HCRTR2: variants seen among roughly 807,000 people sequenced by gnomAD.
HCRTR2 encodes hypocretin receptor 2.
HCRTR2 carries 22 observed loss-of-function variants against 49.0 expected under a neutral mutation model. The observed-to-expected ratio is 0.45, with a 90% CI of 0.32 to 0.64. The LOEUF is 0.64. HCRTR2 is among the 30% of genes least tolerant of loss of function. HCRTR2 has a pLI of 0.04. For synonymous variants in HCRTR2, 236 were observed against 205.3 expected, an observed-to-expected ratio of 1.15 and a Z score of -1.28; for missense variants, 491 against 559.4, an observed-to-expected ratio of 0.88 and a Z score of 1.23.
chr6:55,117,150 G>A (rs768814911), intron 1 of HCRTR2, among the ~76,000 whole-genome samples: 1 of 151,766 alleles, frequency 6.6e-6, no homozygotes, highest in Non-Finnish European at 1.5e-5. Flanking sequence ...GATCCATATT[G>A]TAAAAATGTC....
rs184660171 is a variant in HCRTR2 at position 55,223,022 on chromosome 6, A to G, written c.224-25617A>G. Among the ~76,000 whole-genome samples, 316 of 152,304 alleles carry G rather than the reference A, an allele frequency of 2.1e-3. 2 individuals carry two copies. Among genetic ancestry groups the G allele is most frequent in the African/African-American group, 7.4e-3 (306 of 41,556 alleles). On this transcript the variant is annotated intron_variant, in intron 1 of 6. Transcript: ENST00000370862. The stretch of plus-strand genomic sequence containing the variant: ...TTCAAATAAAATTAAAAAACGAGAA[A>G]CAGTAGAGTTTACTTAATTTGTTAA...
intron 1 of HCRTR2, among the ~76,000 whole-genome samples, chr6:55,245,654 C>A (rs1018921292): frequency 1.3e-5 from 2 of 151,114 alleles, no homozygotes; most frequent in Non-Finnish European, 3.0e-5. Flanking sequence ...ATGGATAGCT[C>A]ACTTAGAGCT....
At position 55,118,838 on chromosome 6, in the gene HCRTR2, G is replaced by A. The variant is rs567058814; in HGVS notation, c.-378+12293G>A. Among the ~76,000 whole-genome samples, 245 of 151,694 alleles carry A rather than the reference G, an allele frequency of 1.6e-3. 2 individuals are homozygous for A. The highest frequency in any genetic ancestry group is 5.6e-3 in the African/African-American group (230 of 41,372). The stretch of plus-strand genomic sequence containing the variant: ...GTTCTGGAGTACATGTGCAGAACCT[G>A]CAGTTTTCTTACATAGGTATGCACA... On this transcript the variant is annotated intron_variant, in intron 1 of 7. Transcript: ENST00000615358.
At chr6:55,165,224 A>G (rs781355401) in intron 1 of HCRTR2, among the ~76,000 whole-genome samples, 3 of 111,202 alleles carry the variant, frequency 2.7e-5, no homozygotes, top group Non-Finnish European at 7.2e-5. Flanking sequence ...AAAAGGAAGG[A>G]GAGAGAGAGA....
intron 4 of HCRTR2, among the ~76,000 whole-genome samples, chr6:55,274,239 G>GTATATATATATATATATA (rs61667408): frequency 1.4e-3 from 163 of 119,486 alleles, no homozygotes; most frequent in African/African-American, 4.7e-3. Flanking sequence ...ATCATTTTCA[G>GTATATATATATATATATA]TATATATATA....
chr6:55,144,501 T>TACCAAAAC (rs1764552778), intron 1 of HCRTR2, among the ~76,000 whole-genome samples: 2 of 152,162 alleles, frequency 1.3e-5, no homozygotes, highest in African/African-American at 4.8e-5. Context: ...CCCAAACTTC[T>TACCAAAAC]TGGTACCAGG....
chr6:55,138,356 T>C (rs1403897032), intron 1 of HCRTR2, among the ~76,000 whole-genome samples: 1 of 152,186 alleles, frequency 6.6e-6, no homozygotes, highest in Non-Finnish European at 1.5e-5. Context: ...ATTCTGTAAA[T>C]CTGAGATCCT....
At chr6:55,266,569 T>C (rs571436387) in intron 4 of HCRTR2, among the ~76,000 whole-genome samples, 1 of 152,288 alleles carries the variant, frequency 6.6e-6, no homozygotes, top group South Asian at 2.1e-4. Context: ...TGGGGAATGT[T>C]CAGTGTTAAG....
In HCRTR2 at chr6:55,282,438, C is replaced by A; in HGVS notation, c.1319C>A (p.Pro440Gln). Residue 440 changes from proline to glutamine, a missense_variant, in exon 7 of 7, where the codon CCA (proline) becomes CAA (glutamine). Coordinates refer to ENST00000370862, the MANE Select transcript of HCRTR2 (RefSeq NM_001384272.1). ...CTCCCAGCAGCCAATGGAGCAGGAC[C>A]ACTTCAAAACTGGTAGAATATTTAT... ...STLPAANGAG[P>Q]LQNW The A allele has an allele frequency of 6.4e-7, 1 of 1,566,770 alleles. No individual in the cohort carries two copies. Among genetic ancestry groups the A allele is most frequent in the Non-Finnish European group, 8.8e-7 (1 of 1,137,346 alleles).
At chr6:55,147,361 C>A (rs796235403) in intron 1 of HCRTR2, among the ~76,000 whole-genome samples, 1 of 152,090 alleles carries the variant, frequency 6.6e-6, no homozygotes, top group Non-Finnish European at 1.5e-5. Context: ...CTAATAAATA[C>A]AGTGGCTTAA....
chr6:55,152,657 A>T (rs527301452), intron 1 of HCRTR2, among the ~76,000 whole-genome samples: 2 of 151,898 alleles, frequency 1.3e-5, no homozygotes, highest in South Asian at 4.1e-4. Context: ...TTGGGGTGGT[A>T]TCCTCATCTG....
intron 1 of HCRTR2, among the ~76,000 whole-genome samples, chr6:55,128,534 T>C (rs555899672): frequency 6.6e-6 from 1 of 152,214 alleles, no homozygotes; most frequent in African/African-American, 2.4e-5. Flanking sequence ...TTTAACAACA[T>C]TGAATCTTCC....
chr6:55,114,060 G>C (rs1764084888), intron 1 of HCRTR2, among the ~76,000 whole-genome samples: 1 of 151,828 alleles, frequency 6.6e-6, no homozygotes, highest in African/African-American at 2.4e-5. Context: ...AACATCATAT[G>C]TTCTCACTCT....
intron 1 of HCRTR2, among the ~76,000 whole-genome samples, chr6:55,159,113 G>A (rs988193099): frequency 2.6e-5 from 4 of 152,164 alleles, no homozygotes; most frequent in Non-Finnish European, 4.4e-5. Flanking sequence ...GGAAGGAGCA[G>A]GCAGCAATCT....
chr6:55,204,983 G>T (rs2127287290), intron 1 of HCRTR2, among the ~76,000 whole-genome samples: 2 of 152,208 alleles, frequency 1.3e-5, no homozygotes, highest in East Asian at 3.9e-4. Context: ...TTTTAGTGGA[G>T]ATGAGGTCTC....
rs1766811427 is a variant in HCRTR2 at position 55,263,719 on chromosome 6, C to T, written c.659C>T (p.Pro220Leu). The T allele has an allele frequency of 6.2e-7, 1 of 1,600,778 alleles. No individual in the cohort carries two copies. The highest frequency in any genetic ancestry group is 1.3e-5 in the African/African-American group (1 of 74,572). Residue 220 changes from proline (P) to leucine (L), a missense_variant, in exon 4 of 7, where the codon CCC becomes CTC. Pro to Leu is a moderately conservative substitution (Grantham distance 98). Transcript: ENST00000370862. Reference sequence around the variant, plus strand: ...ACTTTCATCCTAGGTGAAATTTATCCCAAGATGTACCACATCTGTTTCTTT... The same window carrying T: ...ACTTTCATCCTAGGTGAAATTTATCTCAAGATGTACCACATCTGTTTCTTT... ...CDERWGGEIY[P>L]KMYHICFFLV...
intron 1 of HCRTR2, among the ~76,000 whole-genome samples, chr6:55,231,591 G>T (rs1766115942): frequency 6.6e-6 from 1 of 151,948 alleles, no homozygotes; most frequent in African/African-American, 2.4e-5. Context: ...GAAGAGAAAT[G>T]TATCATCTTA....
intron 3 of HCRTR2, among the ~76,000 whole-genome samples, chr6:55,256,649 C>T (rs1438984240): frequency 1.3e-5 from 2 of 151,266 alleles, no homozygotes; most frequent in Non-Finnish European, 2.9e-5. Context: ...GTATTTTTCT[C>T]TGTATCATTT....
At chr6:55,162,075 G>A (rs867654269) in intron 1 of HCRTR2, among the ~76,000 whole-genome samples, 21 of 152,004 alleles carry the variant, frequency 1.4e-4, no homozygotes, top group African/African-American at 4.6e-4. Flanking sequence ...TAACACCGAC[G>A]CAAAAATCCT....
Sources: gnomAD v4.1 joint callset for allele counts (sites outside exome capture counted in the v4.1 genomes callset) on GRCh38, gnomAD v4.1.1 for gene constraint, MANE v1.5 for transcripts, NCBI Gene and HGNC (gene_info 2026-07-23, HGNC 2026-07-21) for gene names.